The following IGF1R variants were observed in gnomAD, a reference collection of about 807,000 sequenced individuals.
The protein encoded by IGF1R is insulin-like growth factor 1 receptor.
IGF1R carries 44 observed loss-of-function variants against 144.6 expected under a neutral mutation model. The ratio of observed to expected loss-of-function variants is 0.30; its 90% CI spans 0.24 to 0.39. IGF1R has a LOEUF of 0.39. Among genes scored for constraint, IGF1R ranks in the 10% least tolerant of loss-of-function variants. The pLI, the probability that IGF1R is intolerant of heterozygous loss-of-function variation, is 1.00. For missense variants in IGF1R, 1,355 were observed against 1,833.7 expected (o/e 0.74, Z 4.77); for synonymous variants, 795 against 722.8 (o/e 1.10, Z -1.60).
At chr15:98,841,365 CTAAAG>C (rs1409423616) in intron 2 of IGF1R, among the ~76,000 whole-genome samples, 1 of 152,172 alleles carries the variant, frequency 6.6e-6, no homozygotes, top group Non-Finnish European at 1.5e-5. Context: ...GTTCTCATCT[CTAAAG>C]TATGGAAAAT....
At chr15:98,863,690 T>C (rs2012280825) in intron 2 of IGF1R, among the ~76,000 whole-genome samples, 1 of 152,232 alleles carries the variant, frequency 6.6e-6, no homozygotes. Context: ...TGAAATGTTC[T>C]TGCCCTTTCT....
chr15:98,760,194 T>A (rs1421348904), intron 2 of IGF1R, among the ~76,000 whole-genome samples: 6 of 138,290 alleles, frequency 4.3e-5, no homozygotes, highest in East Asian at 2.2e-4. Flanking sequence ...AAAAAAAAAA[T>A]GCAAAAACTA....
At position 98,866,381 on chromosome 15, in the gene IGF1R, C is replaced by A. The variant is rs540891157; in HGVS notation, c.641-24944C>A. Among the ~76,000 whole-genome samples, 5 of 152,304 alleles carry A rather than the reference C, an allele frequency of 3.3e-5. No homozygotes were observed. The East Asian group carries it at 9.6e-4, about 29-fold the overall frequency. On this transcript the variant is annotated intron_variant, in intron 2 of 20. Coordinates refer to ENST00000650285, the MANE Select transcript of IGF1R (RefSeq NM_000875.5). ...TTCTCTTCGGTTTATTTTCTCATCA[C>A]CTTTATTAAAATGCAGTAAAGCAAG... is the stretch of plus-strand genomic sequence containing the variant.
At chr15:98,831,311 A>C (rs1273320783) in intron 2 of IGF1R, among the ~76,000 whole-genome samples, 1 of 152,156 alleles carries the variant, frequency 6.6e-6, no homozygotes, top group African/African-American at 2.4e-5. Flanking sequence ...CTTTCTCTCC[A>C]CCAGAATCCA....
intron 19 of IGF1R, among the ~76,000 whole-genome samples, chr15:98,948,165 A>C (rs2016627777): frequency 6.6e-6 from 1 of 152,186 alleles, no homozygotes; most frequent in African/African-American, 2.4e-5. Context: ...GTCAATGTCC[A>C]GGCTGGGGCT....
At chr15:98,649,781 C>CG in intron 1 of IGF1R, 106 bp downstream of exon 1, 1 of 844,704 alleles carries the variant, frequency 1.2e-6, no homozygotes, top group African/African-American at 1.7e-5. Context: ...GTCGGGCCCC[C>CG]GGGCTCGGGA....
chr15:98,747,398 A>G (rs7176395), intron 2 of IGF1R, among the ~76,000 whole-genome samples: 10,920 of 152,074 alleles, frequency 0.072, 1,221 homozygotes, highest in African/African-American at 0.24. Context: ...GGGTTTCACT[A>G]TGTTGGCCTG....
intron 2 of IGF1R, among the ~76,000 whole-genome samples, chr15:98,723,596 G>C (rs542159426): frequency 6.6e-6 from 1 of 152,300 alleles, no homozygotes; most frequent in Non-Finnish European, 1.5e-5. Flanking sequence ...TTTTCTGCCT[G>C]TTAATAGAGT....
At chr15:98,795,561 C>T (rs2056222581) in intron 2 of IGF1R, among the ~76,000 whole-genome samples, 1 of 152,074 alleles carries the variant, frequency 6.6e-6, no homozygotes, top group East Asian at 1.9e-4. Flanking sequence ...ACTGCAGGCA[C>T]CCGCAACCAC....
At chr15:98,838,492 T>C (rs1315746938) in intron 2 of IGF1R, among the ~76,000 whole-genome samples, 3 of 152,194 alleles carry the variant, frequency 2.0e-5, no homozygotes, top group Non-Finnish European at 4.4e-5. Flanking sequence ...ATTTTGAACC[T>C]GTTATTGAGA....
intron 2 of IGF1R, among the ~76,000 whole-genome samples, chr15:98,715,395 ACT>A (rs2054089954): frequency 6.6e-6 from 1 of 152,150 alleles, no homozygotes; most frequent in Admixed American, 6.5e-5. Context: ...TTTCAGAACC[ACT>A]GACTTGTGGT....
intron 2 of IGF1R, among the ~76,000 whole-genome samples, chr15:98,712,305 C>T (rs1356505997): frequency 6.6e-6 from 1 of 152,194 alleles, no homozygotes; most frequent in Non-Finnish European, 1.5e-5. Context: ...TATCAGACCA[C>T]CACGAGCATT....
chr15:98,687,394 TTGGAGTTTAGAAACC>T (rs1307358791), intron 1 of IGF1R, among the ~76,000 whole-genome samples: 1 of 152,190 alleles, frequency 6.6e-6, no homozygotes, highest in Non-Finnish European at 1.5e-5. Context: ...ACTCGGTGTC[TTGGAGTTTAGAAACC>T]TCAGTTGGCT....
chr15:98,808,588 A>G (rs71403409), intron 2 of IGF1R, among the ~76,000 whole-genome samples: 7,916 of 152,196 alleles, frequency 0.052, 316 homozygotes, highest in East Asian at 0.13. Flanking sequence ...AGTGATGAAT[A>G]TGACAAGGCC....
chr15:98,803,594 C>T (rs1330483903), intron 2 of IGF1R, among the ~76,000 whole-genome samples: 1 of 151,884 alleles, frequency 6.6e-6, no homozygotes, highest in Non-Finnish European at 1.5e-5. Flanking sequence ...CAGCCTCGAC[C>T]GCCAAGGCTC....
chr15:98,734,541 C>A (rs45492891), intron 2 of IGF1R, among the ~76,000 whole-genome samples: 117 of 152,318 alleles, frequency 7.7e-4, no homozygotes, highest in Non-Finnish European at 1.4e-3. Flanking sequence ...AAGTCACTGA[C>A]CCCGAACCTG....
In IGF1R at chr15:98,891,670, G is replaced by A. The variant is rs371115707; in HGVS notation, c.953+33G>A. On this transcript the variant is annotated intron_variant, in intron 3 of 20. Transcript: ENST00000650285. This position sits in a 1 kb window ranked among gnomAD's most constrained non-coding sequence, Gnocchi z 4.7. Reference sequence around the variant, plus strand: ...GCGGCCACACGTGTGGTCACTACCCGCCCCACCTCACCCGCCACCCTAGCA... The same window carrying A: ...GCGGCCACACGTGTGGTCACTACCCACCCCACCTCACCCGCCACCCTAGCA... 5.7e-6 allele frequency: 9 copies of A among 1,588,830 alleles called. No homozygotes were observed. Among genetic ancestry groups the A allele is most frequent in the South Asian group, 2.2e-5 (2 of 90,478 alleles).
intron 1 of IGF1R, among the ~76,000 whole-genome samples, chr15:98,703,138 C>T (rs2053777113): frequency 6.6e-6 from 1 of 152,104 alleles, no homozygotes; most frequent in Non-Finnish European, 1.5e-5. Flanking sequence ...CCCTTTCTCT[C>T]TGCTTCCCTG....
At chr15:98,810,553 T>C (rs1393932116) in intron 2 of IGF1R, among the ~76,000 whole-genome samples, 1 of 149,842 alleles carries the variant, frequency 6.7e-6, no homozygotes, top group African/African-American at 2.4e-5. Flanking sequence ...TCTTTTCTTT[T>C]CTTTTTTTTT....
Sources: allele counts gnomAD v4.1 joint callset (sites outside exome capture counted in the v4.1 genomes callset), GRCh38; gene constraint gnomAD v4.1.1; non-coding constraint Gnocchi (gnomAD v3.1); transcripts MANE v1.5; gene names NCBI Gene and HGNC (gene_info 2026-07-23, HGNC 2026-07-21).